CSE1L: variants seen among roughly 807,000 people sequenced by gnomAD.
The protein encoded by CSE1L is exportin-2.
In CSE1L, 24 loss-of-function variants were observed where a neutral mutation model predicts 120.4. The ratio of observed to expected loss-of-function variants is 0.20; its 90% confidence interval spans 0.14 to 0.28. The LOEUF is 0.28. CSE1L is among the 10% of genes least tolerant of loss of function. CSE1L has a pLI of 1.00. For missense variants in CSE1L, 830 were observed against 1,145.2 expected (o/e 0.72, Z 3.97); for synonymous variants, 402 against 398.3 (o/e 1.01, Z -0.11).
intron 10 of CSE1L, among the ~76,000 whole-genome samples, chr20:49,074,171 A>C (rs2091952439): frequency 8.0e-6 from 1 of 125,188 alleles, no homozygotes; most frequent in Non-Finnish European, 1.7e-5. Context: ...TGATCATACA[A>C]CTGCAGTGTG....
At chr20:49,061,327 C>A (rs1237108356) in intron 2 of CSE1L, among the ~76,000 whole-genome samples, 1 of 150,172 alleles carries the variant, frequency 6.7e-6, no homozygotes, top group Non-Finnish European at 1.5e-5. Context: ...CGCCCGCCAC[C>A]ATGCCTACCT....
At position 49,094,277 on chromosome 20, in the gene CSE1L, C is replaced by G; in HGVS notation, c.2585C>G (p.Thr862Ser). ...ECPPMMDTEY[T>S]KLWTPLLQSL... ...CCCCCAATGATGGACACTGAGTATA[C>G]CAAACTGTGGTAAGTACTTCATTTT... Residue 862 changes from threonine to serine, a missense_variant, in exon 23 of 25, where the codon ACC becomes AGC. Physicochemically the swap from Thr to Ser is moderately conservative, Grantham distance 58. Around this residue, in one of 4 missense-constraint regions of CSE1L, gnomAD observed 112 missense variants for 200.0 expected, o/e 0.56. Transcript: ENST00000262982. 6.2e-7 allele frequency: 1 copy of G among 1,610,620 alleles called. No homozygotes were observed. Among genetic ancestry groups the G allele is most frequent in the South Asian group, 1.1e-5 (1 of 90,068 alleles).
intron 16 of CSE1L, 36 bp downstream of exon 16, chr20:49,085,422 C>G: frequency 6.8e-7 from 1 of 1,470,958 alleles, no homozygotes; most frequent in Non-Finnish European, 9.5e-7. Context: ...CTACAGGTAT[C>G]CAATCTCAGA....
rs1166781658 is a variant in CSE1L at position 49,089,681 on chromosome 20, A to C, written c.2116A>C (p.Arg706=). 3 of 1,614,096 alleles carry C rather than the reference A, an allele frequency of 1.9e-6. No homozygotes were observed. The highest frequency in any genetic ancestry group is 2.5e-6 in the Non-Finnish European group (3 of 1,180,044). The part of the protein sequence containing the change: ...ERTGNIPALV[R]LLQAFLERGS... ...AACAGGAAATATTCCTGCTCTAGTG[A>C]GGCTTCTTCAAGCATTCTTAGAACG... Residue 706 remains arginine (R), a synonymous_variant, in exon 19 of 25, where the codon AGG becomes CGG. Transcript: ENST00000262982.
In CSE1L at chr20:49,075,340, T is replaced by C. The variant is rs1402140524; in HGVS notation, c.1155T>C (p.Ala385=). The change falls in exon 12 of 25, where the codon GCT becomes GCC. Residue 385 remains alanine, a synonymous_variant. Coordinates refer to ENST00000262982, the MANE Select transcript of CSE1L (RefSeq NM_001316.4). ...EGSDIDTRRR[A]ACDLVRGLCK... is the part of the protein sequence containing the mutation. ...TAGATATTGATACTAGACGCAGGGC[T>C]GCTTGTGATCTGGTACGAGGATTAT... is the stretch of plus-strand genomic sequence containing the variant. 1.9e-6 allele frequency: 3 copies of C among 1,614,028 alleles called. No homozygotes were observed. The highest frequency in any genetic ancestry group is 8.5e-7 in the Non-Finnish European group (1 of 1,179,926).
intron 14 of CSE1L, among the ~76,000 whole-genome samples, chr20:49,079,320 G>A (rs189257240): frequency 6.6e-5 from 10 of 152,018 alleles, no homozygotes; most frequent in Admixed American, 4.6e-4. Context: ...TCTGCCTTCC[G>A]GGTTCAAGTG....
chr20:49,077,118 C>A (rs1013339006), intron 13 of CSE1L, 54 bp downstream of exon 13: 395 of 814,816 alleles, frequency 4.8e-4, no homozygotes, highest in Non-Finnish European at 7.1e-4. Context: ...TACCTGAATT[C>A]AAAAAACAGC....
chr20:49,071,408 AACCATGTGCT>A (rs1188603194), intron 8 of CSE1L, among the ~76,000 whole-genome samples: 1 of 152,196 alleles, frequency 6.6e-6, no homozygotes, highest in Non-Finnish European at 1.5e-5. Flanking sequence ...TTGCCCAGTT[AACCATGTGCT>A]ACCTTGTGCT....
rs1383921047 is a variant in CSE1L at position 49,084,137 on chromosome 20, A to G, written c.1594A>G (p.Met532Val). 4 of 1,613,996 alleles carry G rather than the reference A, an allele frequency of 2.5e-6. No homozygotes were observed. Among genetic ancestry groups the G allele is most frequent in the South Asian group, 2.2e-5 (2 of 91,060 alleles). The change falls in exon 15 of 25, where the codon ATG becomes GTG. Residue 532 changes from methionine (M) to valine (V), a missense_variant. By Grantham distance (21) the Met-to-Val change is conservative. This residue lies in a region of CSE1L where 543 missense variants were observed against 640.2 expected (regional missense o/e 0.85). Coordinates refer to ENST00000262982, the MANE Select transcript of CSE1L (RefSeq NM_001316.4). The stretch of plus-strand genomic sequence containing the variant: ...TCATGCTCTTGAACGGCTCTTTACT[A>G]TGCGAGGGCCTAACAATGCCACTCT... ...AAHALERLFT[M>V]RGPNNATLFT...
intron 1 of CSE1L, among the ~76,000 whole-genome samples, chr20:49,050,336 A>G (rs2091756355): frequency 6.7e-6 from 1 of 150,328 alleles, no homozygotes; most frequent in Non-Finnish European, 1.5e-5. Flanking sequence ...CTCCTGCCTC[A>G]ACTTCCCTAG....
rs182228078 is a variant in CSE1L, at chr20:49,079,412, G to A, written c.1482+790G>A. ...TGGCTGATTTTTTGTATTTTTAGTA[G>A]TGATGGGGTTTCCCCATGTTGGCCA... On this transcript the variant is annotated intron_variant, in intron 14 of 24. Coordinates refer to ENST00000262982, the MANE Select transcript of CSE1L (RefSeq NM_001316.4). Among the ~76,000 whole-genome samples, 4 of 149,704 alleles carry A rather than the reference G, an allele frequency of 2.7e-5. No homozygotes were observed. The Admixed American group carries it at 2.7e-4, about 10-fold the overall frequency.
In CSE1L at chr20:49,094,742, T is replaced by C; in HGVS notation, c.2605T>C (p.Leu869=). 6.2e-7 allele frequency: 1 copy of C among 1,610,290 alleles called. No individual in the cohort carries two copies. ...TEYTKLWTPL[L]QSLIGLFELP... Reference sequence around the variant, plus strand: ...TTTCTTCCAATCCAGGACTCCATTATTACAGTCTTTGATTGGTCTTTTTGA... The same window carrying C: ...TTTCTTCCAATCCAGGACTCCATTACTACAGTCTTTGATTGGTCTTTTTGA... Residue 869 remains leucine (L), a synonymous_variant, in exon 24 of 25, where the codon TTA becomes CTA. Transcript: ENST00000262982.
At chr20:49,090,904 A>C (rs577323360) in intron 20 of CSE1L, 33 bp from the exon 21 acceptor site, 3 of 1,596,834 alleles carry the variant, frequency 1.9e-6, no homozygotes, top group East Asian at 4.5e-5. Context: ...AAAAGTCCTA[A>C]ATTTATATTG....
chr20:49,090,126 TAAA>T (rs973621520), intron 19 of CSE1L, among the ~76,000 whole-genome samples: 2 of 151,392 alleles, frequency 1.3e-5, no homozygotes, highest in Non-Finnish European at 2.9e-5. Context: ...CCCTGTCTCT[TAAA>T]AAAAATAATA....
At chr20:49,078,484 A>G (rs2091986063) in intron 13 of CSE1L, 77 bp from the exon 14 acceptor site, 3 of 926,710 alleles carry the variant, frequency 3.2e-6, no homozygotes, top group Admixed American at 2.7e-5. Context: ...TTTTTTTATA[A>G]CTCTGATGAT....
intron 14 of CSE1L, among the ~76,000 whole-genome samples, chr20:49,080,112 C>A (rs7265218): frequency 0.017 from 2,646 of 152,232 alleles, 80 homozygotes; most frequent in African/African-American, 0.061. Flanking sequence ...TGTTGTCCCT[C>A]TAGTCCCCAT....
At chr20:49,092,520 G>T (rs1214808979) in intron 22 of CSE1L, among the ~76,000 whole-genome samples, 1 of 151,898 alleles carries the variant, frequency 6.6e-6, no homozygotes, top group Non-Finnish European at 1.5e-5. Context: ...TAAATGGTCA[G>T]TGTTGTCTCC....
At chr20:49,071,845 G>A (rs1427013232) in intron 8 of CSE1L, among the ~76,000 whole-genome samples, 2 of 151,762 alleles carry the variant, frequency 1.3e-5, no homozygotes, top group African/African-American at 2.4e-5. Context: ...GCGGGTGCCT[G>A]TAGTCCCAGC....
At chr20:49,047,572 T>C (rs1393187384) in intron 1 of CSE1L, among the ~76,000 whole-genome samples, 11 of 75,600 alleles carry the variant, frequency 1.5e-4, no homozygotes, top group African/African-American at 5.4e-4. Flanking sequence ...TTCTTTTTTT[T>C]TTTTTTTTTT....
Sources: gnomAD v4.1 joint callset for allele counts (sites outside exome capture counted in the v4.1 genomes callset) on GRCh38, gnomAD v4.1.1 for gene constraint, gnomAD v4.1.1 regional missense constraint, MANE v1.5 for transcripts, NCBI Gene and HGNC (gene_info 2026-07-23, HGNC 2026-07-21) for gene names.